SCN11A: variants seen among roughly 807,000 people sequenced by gnomAD.
The protein encoded by SCN11A is sodium channel protein type 11 subunit alpha.
SCN11A carries 122 observed loss-of-function variants against 162.2 expected under a neutral mutation model. The observed-to-expected ratio is 0.75, with a 90% CI of 0.65 to 0.87. SCN11A has a LOEUF of 0.87. Ranked by LOEUF, SCN11A falls within the 40% of genes least tolerant of loss-of-function variation. The probability of loss-of-function intolerance (pLI) is 0.00; values close to 1 mark genes in which losing one functional copy is unlikely to be tolerated. For synonymous variants in SCN11A, 758 were observed against 751.5 expected (o/e 1.01, Z -0.14); for missense variants, 2,015 against 2,181.6 (o/e 0.92, Z 1.52).
At chr3:38,913,019 C>A (rs1386723899) in intron 11 of SCN11A, among the ~76,000 whole-genome samples, 1 of 151,824 alleles carries the variant, frequency 6.6e-6, no homozygotes, top group Non-Finnish European at 1.5e-5. Context: ...TGGGATGAAT[C>A]CAGCAACAGT....
At chr3:39,030,919 G>T (rs1275542694) in intron 2 of SCN11A, among the ~76,000 whole-genome samples, 1 of 152,246 alleles carries the variant, frequency 6.6e-6, no homozygotes, top group East Asian at 1.9e-4. Flanking sequence ...TAGGGATTAA[G>T]TGTTAAGTAT....
intron 11 of SCN11A, among the ~76,000 whole-genome samples, chr3:38,911,046 T>C (rs1490032017): frequency 2.0e-5 from 3 of 152,214 alleles, no homozygotes; most frequent in Non-Finnish European, 4.4e-5. Flanking sequence ...ATTCAACAAC[T>C]GTTAACTCTT....
intron 23 of SCN11A, among the ~76,000 whole-genome samples, chr3:38,877,145 G>C (rs28794021): frequency 1.0e-5 from 1 of 98,326 alleles, no homozygotes; most frequent in African/African-American, 4.5e-5. Context: ...TATATATATG[G>C]TATATATATG....
intron 1 of SCN11A, among the ~76,000 whole-genome samples, chr3:39,033,373 T>G (rs190554797): frequency 1.3e-5 from 2 of 152,328 alleles, no homozygotes; most frequent in Non-Finnish European, 2.9e-5. Flanking sequence ...ATGTTAAACT[T>G]TTTTCATGTA....
chr3:39,003,969 T>C (rs6776365), intron 2 of SCN11A, among the ~76,000 whole-genome samples: 10,566 of 152,256 alleles, frequency 0.069, 1,169 homozygotes, highest in African/African-American at 0.23. Flanking sequence ...TGCTATTCTG[T>C]AGGTTGTTTA....
At chr3:38,878,752 TA>T (rs2065261290) in intron 23 of SCN11A, among the ~76,000 whole-genome samples, 1 of 152,140 alleles carries the variant, frequency 6.6e-6, no homozygotes, top group Non-Finnish European at 1.5e-5. Flanking sequence ...TGTCATGTAA[TA>T]CTGATTAACT....
intron 29 of SCN11A, chr3:38,849,257 C>CTTTTTTTTTTTT (rs55781629): frequency 1.4e-5 from 1 of 69,866 alleles, no homozygotes; most frequent in Non-Finnish European, 2.5e-5. Flanking sequence ...TTTTCTAGCC[C>CTTTTTTTTTTTT]TTTTTTTTTT....
intron 26 of SCN11A, among the ~76,000 whole-genome samples, chr3:38,870,474 T>C (rs1483266888): frequency 6.6e-6 from 1 of 152,242 alleles, no homozygotes; most frequent in African/African-American, 2.4e-5. Context: ...GAAAGAAGAC[T>C]GGACTTCAGA....
At chr3:39,048,965 C>T (rs1030322697) in intron 1 of SCN11A, among the ~76,000 whole-genome samples, 9 of 152,186 alleles carry the variant, frequency 5.9e-5, no homozygotes, top group African/African-American at 9.6e-5. Context: ...ATGATTCCAG[C>T]CCCAATCTTT....
intron 28 of SCN11A, among the ~76,000 whole-genome samples, chr3:38,853,702 G>A (rs766543296): frequency 1.3e-5 from 2 of 152,178 alleles, no homozygotes; most frequent in Admixed American, 6.5e-5. Flanking sequence ...GCGATCTCAT[G>A]TTCAAATGGA....
At chr3:38,865,320 AGACT>A (rs1476074978) in intron 27 of SCN11A, among the ~76,000 whole-genome samples, 2 of 152,244 alleles carry the variant, frequency 1.3e-5, no homozygotes, top group African/African-American at 4.8e-5. Context: ...AAAATCACAA[AGACT>A]GACATCCAAA....
chr3:38,922,698 GAGA>G (rs1559534031), intron 9 of SCN11A, among the ~76,000 whole-genome samples: 1 of 151,544 alleles, frequency 6.6e-6, no homozygotes, highest in African/African-American at 2.4e-5. Flanking sequence ...GGAGGAGGAG[GAGA>G]AGAAGAGATA....
At chr3:39,023,736 G>A (rs1051337099) in intron 2 of SCN11A, among the ~76,000 whole-genome samples, 7 of 151,546 alleles carry the variant, frequency 4.6e-5, no homozygotes, top group African/African-American at 1.7e-4. Flanking sequence ...TCTGCCTCCC[G>A]GGTTCAAGCG....
Position 38,883,176 on chromosome 3 carries a change from T to A in SCN11A, c.3219+57A>T, listed in dbSNP as rs2065337804. The A allele has an allele frequency of 2.0e-6, 3 of 1,482,588 alleles. 1 individual carries two copies. The Admixed American group carries it at 5.6e-5, about 28-fold the overall frequency. The allele number at this position is 1,482,588 out of a possible 1,614,324, so 91.8% of individuals were successfully genotyped here. ...AGTCCCACGAGAAGCCAAGTCAGAG[T>A]GCAGCTTCCCCAGCTGCCCTGATGC... On this transcript the variant is annotated intron_variant, in intron 22 of 29. Transcript: ENST00000302328.
chr3:38,978,906 G>T (rs772831476), intron 2 of SCN11A, among the ~76,000 whole-genome samples: 1 of 151,984 alleles, frequency 6.6e-6, no homozygotes, highest in South Asian at 2.1e-4. Flanking sequence ...CATGCCACTC[G>T]ACCTAAAACC....
chr3:38,997,488 T>C (rs1017508273), intron 2 of SCN11A, among the ~76,000 whole-genome samples: 5 of 152,268 alleles, frequency 3.3e-5, no homozygotes, highest in African/African-American at 1.2e-4. Flanking sequence ...GTCCTCATGC[T>C]ATGCTTTATT....
At chr3:39,017,884 G>A (rs2031341029) in intron 2 of SCN11A, among the ~76,000 whole-genome samples, 1 of 152,096 alleles carries the variant, frequency 6.6e-6, no homozygotes, top group Admixed American at 6.5e-5. Context: ...TGCATGCCTG[G>A]CAATTTTTGT....
At chr3:38,899,152 T>A (rs1031449324) in intron 17 of SCN11A, among the ~76,000 whole-genome samples, 5 of 152,170 alleles carry the variant, frequency 3.3e-5, no homozygotes, top group African/African-American at 1.2e-4. Flanking sequence ...AAATCCCACC[T>A]TGGAGGTTTT....
intron 19 of SCN11A, 78 bp downstream of exon 19, chr3:38,894,455 A>T: frequency 8.4e-7 from 1 of 1,197,390 alleles, no homozygotes; most frequent in Non-Finnish European, 1.2e-6. Flanking sequence ...CATAGTGCCT[A>T]GAAAAGGGCA....
Sources: gnomAD v4.1 joint callset for allele counts (sites outside exome capture counted in the v4.1 genomes callset) on GRCh38, gnomAD v4.1.1 for gene constraint, MANE v1.5 for transcripts, NCBI Gene and HGNC (gene_info 2026-07-23, HGNC 2026-07-21) for gene names.